Variants in PAK1 observed in about 807,000 individuals in gnomAD.
PAK1 encodes the protein serine/threonine-protein kinase PAK 1.
A neutral mutation model predicts 67.4 loss-of-function variants in PAK1; 29 were observed. That is an observed-to-expected ratio of 0.43 (90% confidence interval 0.32 to 0.59). PAK1 has a LOEUF of 0.59. Ranked by LOEUF, PAK1 falls within the 20% of genes least tolerant of loss-of-function variation. The probability of loss-of-function intolerance (pLI) is 0.07; values close to 1 mark genes in which losing one functional copy is unlikely to be tolerated. For synonymous variants in PAK1, 223 were observed against 237.4 expected (o/e 0.94, Z 0.56); for missense variants, 337 against 670.7 (o/e 0.50, Z 5.50).
the PAK1 span, among the ~76,000 whole-genome samples, chr11:77,481,398 C>G: frequency 6.6e-6 from 1 of 151,962 alleles, no homozygotes; most frequent in African/African-American, 2.4e-5. Context: ...ATCTTTAGGC[C>G]AGGCACGGTG....
chr11:77,481,396 G>T, the PAK1 span, among the ~76,000 whole-genome samples: 1 of 152,130 alleles, frequency 6.6e-6, no homozygotes, highest in East Asian at 1.9e-4. Context: ...GTATCTTTAG[G>T]CCAGGCACGG....
At chr11:77,462,783 G>A in intron 1 of PAK1, among the ~76,000 whole-genome samples, 1 of 148,192 alleles carries the variant, frequency 6.7e-6, no homozygotes, top group South Asian at 2.1e-4. Context: ...AGTGAGCCGA[G>A]ACCGTGCCAC....
chr11:77,384,362 T>C (rs1438141878), intron 2 of PAK1, among the ~76,000 whole-genome samples: 1 of 152,168 alleles, frequency 6.6e-6, no homozygotes, highest in East Asian at 1.9e-4. Context: ...ATAGTATCCC[T>C]GGGACTACTG....
chr11:77,392,215 C>T (rs1470948210), intron 2 of PAK1, 116 bp downstream of exon 2: 1 of 741,620 alleles, frequency 1.3e-6, no homozygotes, highest in East Asian at 2.8e-5. Flanking sequence ...AAATATTTAA[C>T]CAGAAAGAAA....
chr11:77,427,406 T>C (rs1017735474), intron 1 of PAK1, among the ~76,000 whole-genome samples: 1 of 149,692 alleles, frequency 6.7e-6, no homozygotes, highest in African/African-American at 2.5e-5. Flanking sequence ...ATTTGGAATT[T>C]ACTAAAGAGG....
chr11:77,390,500 CT>C (rs1257113157), intron 2 of PAK1, among the ~76,000 whole-genome samples: 1 of 151,328 alleles, frequency 6.6e-6, no homozygotes, highest in Non-Finnish European at 1.5e-5. Context: ...CACACCCGGC[CT>C]ATTTTATTTT....
intron 8 of PAK1, among the ~76,000 whole-genome samples, chr11:77,352,808 A>G (rs1421856938): frequency 6.6e-6 from 1 of 152,200 alleles, no homozygotes; most frequent in Non-Finnish European, 1.5e-5. Flanking sequence ...GTAGCCTAGG[A>G]GCAAGAGGCT....
the PAK1 span, among the ~76,000 whole-genome samples, chr11:77,503,869 TAATAA>T: frequency 6.6e-6 from 1 of 152,182 alleles, no homozygotes; most frequent in Non-Finnish European, 1.5e-5. Flanking sequence ...AATTAATTAG[TAATAA>T]AATAAAGTAT....
intron 2 of PAK1, among the ~76,000 whole-genome samples, chr11:77,381,738 T>A (rs1212184656): frequency 6.6e-6 from 1 of 152,226 alleles, no homozygotes; most frequent in African/African-American, 2.4e-5. Flanking sequence ...GGAAACTGAG[T>A]AATTTACTCA....
chr11:77,408,468 G>C (rs1478019205), intron 1 of PAK1, among the ~76,000 whole-genome samples: 1 of 151,598 alleles, frequency 6.6e-6, no homozygotes, highest in African/African-American at 2.4e-5. Flanking sequence ...GGCAAGGATG[G>C]GGAGAAAGAG....
chr11:77,502,312 T>C, the PAK1 span, among the ~76,000 whole-genome samples: 1 of 152,242 alleles, frequency 6.6e-6, no homozygotes, highest in Non-Finnish European at 1.5e-5. Context: ...AATTTTCCCA[T>C]GTCATTAAAG....
chr11:77,479,569 A>G (rs1958095180), upstream of PAK1, among the ~76,000 whole-genome samples: 1 of 151,244 alleles, frequency 6.6e-6, no homozygotes, highest in Non-Finnish European at 1.5e-5. Context: ...GCAGCTATTC[A>G]GAAACCATGA....
chr11:77,349,171 G>T, intron 9 of PAK1, 68 bp downstream of exon 9: 2 of 1,176,506 alleles, frequency 1.7e-6, no homozygotes, highest in Non-Finnish European at 2.5e-6. Context: ...ACCTAACAAG[G>T]GCTAAAAATT....
the PAK1 span, among the ~76,000 whole-genome samples, chr11:77,492,225 C>T: frequency 5.3e-5 from 8 of 152,014 alleles, no homozygotes; most frequent in South Asian, 2.1e-4. Flanking sequence ...ATCCCAGCTA[C>T]TCGGGAGGCT....
intron 2 of PAK1, among the ~76,000 whole-genome samples, chr11:77,385,706 A>C (rs916135564): frequency 2.0e-5 from 3 of 152,098 alleles, no homozygotes; most frequent in Admixed American, 2.0e-4. Flanking sequence ...AAAATACAAA[A>C]ATTAGCCAGG....
the PAK1 span, among the ~76,000 whole-genome samples, chr11:77,481,957 T>C: frequency 2.0e-5 from 3 of 152,136 alleles, no homozygotes; most frequent in African/African-American, 7.2e-5. Flanking sequence ...GCTATGTTCA[T>C]TTCTATTATC....
intron 1 of PAK1, among the ~76,000 whole-genome samples, chr11:77,450,103 T>C (rs1348444988): frequency 1.3e-5 from 2 of 152,218 alleles, no homozygotes; most frequent in East Asian, 3.8e-4. Context: ...CTTGTGAGTA[T>C]TTGGAAAGAT....
chr11:77,438,835 T>C (rs988781148), intron 1 of PAK1, among the ~76,000 whole-genome samples: 3 of 152,232 alleles, frequency 2.0e-5, no homozygotes, highest in Non-Finnish European at 2.9e-5. Flanking sequence ...ATATGATCAG[T>C]AAATTTCTTT....
chr11:77,349,170 G>C, intron 9 of PAK1, 69 bp downstream of exon 9: 1 of 1,111,950 alleles, frequency 9.0e-7, no homozygotes, highest in Admixed American at 2.1e-5. Flanking sequence ...GACCTAACAA[G>C]GGCTAAAAAT....
Sources: allele counts gnomAD v4.1 joint callset (sites outside exome capture counted in the v4.1 genomes callset), GRCh38; gene constraint gnomAD v4.1.1; transcripts MANE v1.5; gene names NCBI Gene and HGNC (gene_info 2026-07-23, HGNC 2026-07-21).